The following LGSN variants were observed in gnomAD, a reference collection of about 807,000 sequenced individuals.
LGSN encodes the protein lengsin, lens protein with glutamine synthetase domain.
Under a neutral mutation model 19.5 loss-of-function variants are expected in LGSN, and 21 were observed. That is an observed-to-expected ratio of 1.07 (90% CI 0.76 to 1.55). LGSN has a LOEUF of 1.55. Among genes scored for constraint, LGSN ranks in the 40% most tolerant of loss-of-function variants. The pLI is 0.00. For missense variants in LGSN, 673 were observed against 608.5 expected, an observed-to-expected ratio of 1.11 and a Z score of -1.12; for synonymous variants, 257 against 215.6, an observed-to-expected ratio of 1.19 and a Z score of -1.68.
the LGSN span, among the ~76,000 whole-genome samples, chr6:63,420,630 G>A: frequency 2.6e-5 from 4 of 152,138 alleles, no homozygotes; most frequent in Admixed American, 6.6e-5. Flanking sequence ...AGGTGGTAGC[G>A]CCTTCCTTTG....
the LGSN span, among the ~76,000 whole-genome samples, chr6:63,361,972 CAT>C: frequency 6.6e-6 from 1 of 152,108 alleles, no homozygotes; most frequent in Non-Finnish European, 1.5e-5. Flanking sequence ...GCTCCTGAAA[CAT>C]AGCAATGGAC....
Position 63,280,774 on chromosome 6 carries a change from G to A in LGSN, c.777C>T (p.Ser259=), listed in dbSNP as rs777121892. 3 of 1,614,036 alleles carry A rather than the reference G, an allele frequency of 1.9e-6. No homozygotes were observed. Among genetic ancestry groups the A allele is most frequent in the South Asian group, 2.2e-5 (2 of 91,082 alleles). ...TTTCCATCTGACCAGGCCTGGTAGA[G>A]GAGGAAAAACTCTCGACATTGGCTC... ...HTGANVESFS[S]STRPGQMEIS... The change falls in exon 4 of 4, where the codon TCC becomes TCT. Residue 259 remains serine, a synonymous_variant. Coordinates refer to ENST00000370657, the MANE Select transcript of LGSN (RefSeq NM_016571.3).
chr6:63,473,300 CTG>C, the LGSN span, among the ~76,000 whole-genome samples: 1 of 151,676 alleles, frequency 6.6e-6, no homozygotes, highest in Non-Finnish European at 1.5e-5. Context: ...TGGCAAAACC[CTG>C]TCTCTACTAA....
chr6:63,568,188 T>C, the LGSN span, among the ~76,000 whole-genome samples: 1 of 152,220 alleles, frequency 6.6e-6, no homozygotes, highest in Non-Finnish European at 1.5e-5. Flanking sequence ...CATTCACAAC[T>C]TGACTGTTTT....
intron 3 of LGSN, among the ~76,000 whole-genome samples, chr6:63,284,166 T>C (rs972229411): frequency 6.6e-6 from 1 of 152,154 alleles, no homozygotes; most frequent in Non-Finnish European, 1.5e-5. Context: ...TCTATGATCA[T>C]TAAATGAGAA....
chr6:63,370,503 CTTAA>C, the LGSN span, among the ~76,000 whole-genome samples: 1 of 152,218 alleles, frequency 6.6e-6, no homozygotes, highest in Non-Finnish European at 1.5e-5. Flanking sequence ...CCTTGAAATT[CTTAA>C]TTTTCTTTGA....
the LGSN span, among the ~76,000 whole-genome samples, chr6:63,381,640 A>G: frequency 6.6e-6 from 1 of 152,314 alleles, no homozygotes; most frequent in South Asian, 2.1e-4. Flanking sequence ...CCTCATCACC[A>G]CAAGTTTGCA....
the LGSN span, among the ~76,000 whole-genome samples, chr6:63,495,469 T>TTTTTTTTTTTTTTTTTTTTTTTCTG: frequency 8.4e-6 from 1 of 119,306 alleles, no homozygotes; most frequent in Non-Finnish European, 1.6e-5. Context: ...TTTTTTTTTT[T>TTTTTTTTTTTTTTTTTTTTTTTCTG]TTTTTTTGAG....
At chr6:63,547,738 C>T in the LGSN span, among the ~76,000 whole-genome samples, 3 of 145,734 alleles carry the variant, frequency 2.1e-5, no homozygotes, top group African/African-American at 7.6e-5. Context: ...GTCTCGATCT[C>T]CTGACCTCAT....
At chr6:63,294,106 A>G (rs1236590096) in intron 2 of LGSN, among the ~76,000 whole-genome samples, 2 of 152,146 alleles carry the variant, frequency 1.3e-5, no homozygotes, top group Non-Finnish European at 2.9e-5. Context: ...AGGCTGAGGC[A>G]GGTGGATCAT....
At chr6:63,570,412 A>G in the LGSN span, among the ~76,000 whole-genome samples, 1 of 152,218 alleles carries the variant, frequency 6.6e-6, no homozygotes, top group African/African-American at 2.4e-5. Flanking sequence ...TGTTACTTTC[A>G]TAGTAGGATA....
At chr6:63,429,392 A>T in the LGSN span, among the ~76,000 whole-genome samples, 6 of 152,316 alleles carry the variant, frequency 3.9e-5, no homozygotes, top group African/African-American at 1.4e-4. Context: ...GCTATATTAT[A>T]TATGAATTGG....
the LGSN span, among the ~76,000 whole-genome samples, chr6:63,387,331 G>A: frequency 6.6e-6 from 1 of 151,886 alleles, no homozygotes; most frequent in Non-Finnish European, 1.5e-5. Flanking sequence ...AATACATAAC[G>A]ATGCATTTTT....
chr6:63,315,846 T>C (rs1181781434), intron 1 of LGSN, among the ~76,000 whole-genome samples: 1 of 147,324 alleles, frequency 6.8e-6, no homozygotes, highest in Admixed American at 6.8e-5. Context: ...TGTGACAAAA[T>C]ACAGAAAACT....
the LGSN span, among the ~76,000 whole-genome samples, chr6:63,541,347 G>A: frequency 6.6e-6 from 1 of 152,038 alleles, no homozygotes; most frequent in Non-Finnish European, 1.5e-5. Context: ...GAGGTCAGGA[G>A]TTCAAGAGCA....
chr6:63,543,431 C>G, the LGSN span, among the ~76,000 whole-genome samples: 1 of 152,212 alleles, frequency 6.6e-6, no homozygotes, highest in East Asian at 1.9e-4. Flanking sequence ...AATCCTCCCA[C>G]TAAAGTGTAA....
the LGSN span, among the ~76,000 whole-genome samples, chr6:63,346,520 A>G: frequency 1.3e-5 from 2 of 152,026 alleles, no homozygotes; most frequent in Non-Finnish European, 2.9e-5. Flanking sequence ...TGTATCTTTT[A>G]TAATATCCTT....
chr6:63,559,916 C>G, the LGSN span, among the ~76,000 whole-genome samples: 4 of 152,026 alleles, frequency 2.6e-5, no homozygotes, highest in Non-Finnish European at 5.9e-5. Flanking sequence ...GGTGATCCAC[C>G]GTGCCTGGCC....
At chr6:63,306,299 G>C (rs1273940701) in intron 1 of LGSN, among the ~76,000 whole-genome samples, 1 of 152,104 alleles carries the variant, frequency 6.6e-6, no homozygotes, top group Admixed American at 6.5e-5. Context: ...TTTTATTTGA[G>C]GTGCTTCCTA....
Sources: gnomAD v4.1 joint callset for allele counts (sites outside exome capture counted in the v4.1 genomes callset) on GRCh38, gnomAD v4.1.1 for gene constraint, MANE v1.5 for transcripts, NCBI Gene and HGNC (gene_info 2026-07-23, HGNC 2026-07-21) for gene names.